The following RTTN variants were observed in gnomAD, a reference collection of about 807,000 sequenced individuals.
RTTN encodes rotatin.
In RTTN, 182 loss-of-function variants were observed where a neutral mutation model predicts 269.2. The ratio of observed to expected loss-of-function variants is 0.68; its 90% confidence interval spans 0.60 to 0.76. The LOEUF (loss-of-function observed/expected upper bound fraction) is 0.76. RTTN is among the 30% of genes least tolerant of loss of function. The pLI is 0.00. For missense variants in RTTN, 2,545 were observed against 2,608.6 expected (o/e 0.98, Z 0.53); for synonymous variants, 1,006 against 963.5 (o/e 1.04, Z -0.82).
Position 70,109,686 on chromosome 18 carries a change from T to A in RTTN, c.3715A>T (p.Thr1239Ser). The change falls in exon 28 of 49, where the codon ACG becomes TCG. Residue 1239 changes from threonine (T) to serine (S), a missense_variant. Physicochemically the swap from Thr to Ser is moderately conservative, Grantham distance 58. Transcript: ENST00000640769. ...TGGAGCAGTTTCAGAGCCAGCTGCG[T>A]TTGAAAAACGTAAAGAAGTTCCGAG... ...KCSELLYVFQ[T>S]QLALKLLQCL... 6.2e-7 allele frequency: 1 copy of A among 1,613,998 alleles called. No individual in the cohort carries two copies. The highest frequency in any genetic ancestry group is 8.5e-7 in the Non-Finnish European group (1 of 1,180,002).
In RTTN at chr18:70,048,022, G is replaced by A; in HGVS notation, c.5490C>T (p.Asp1830=). 6.2e-7 allele frequency: 1 copy of A among 1,614,112 alleles called. No homozygotes were observed. Among genetic ancestry groups the A allele is most frequent in the Non-Finnish European group, 8.5e-7 (1 of 1,179,966 alleles). ...CSPTVASLLD[D]SQENQKSLEQ... ...CTAGAGATTTCTGATTTTCCTGAGA[G>A]TCATCAAGAAGTGAAGCCACTGTTG... Residue 1830 remains aspartate (D), a synonymous_variant, in exon 40 of 49, where the codon GAC becomes GAT. Coordinates refer to ENST00000640769, the MANE Select transcript of RTTN (RefSeq NM_173630.4).
chr18:70,050,306 G>C (rs1338462459), intron 39 of RTTN, among the ~76,000 whole-genome samples: 1 of 151,934 alleles, frequency 6.6e-6, no homozygotes, highest in Non-Finnish European at 1.5e-5. Flanking sequence ...TTATGCGGCC[G>C]ACAAACATGA....
chr18:70,195,094 CA>C (rs1269014523), intron 7 of RTTN, among the ~76,000 whole-genome samples: 1 of 152,186 alleles, frequency 6.6e-6, no homozygotes, highest in African/African-American at 2.4e-5. Flanking sequence ...CTGCAAGCCC[CA>C]ATATACTCTG....
At chr18:70,154,963 A>C in intron 14 of RTTN, among the ~76,000 whole-genome samples, 1 of 152,066 alleles carries the variant, frequency 6.6e-6, no homozygotes, top group Non-Finnish European at 1.5e-5. Context: ...CACATTCAAC[A>C]TCTCACTTTC....
chr18:70,052,642 T>TTATATA (rs1327265663), intron 38 of RTTN, among the ~76,000 whole-genome samples: 2,718 of 145,896 alleles, frequency 0.019, 47 homozygotes, highest in Non-Finnish European at 0.028. Context: ...ATTTATTTAC[T>TTATATA]TATATATATA....
At chr18:70,103,528 T>C (rs2059234453) in intron 28 of RTTN, among the ~76,000 whole-genome samples, 1 of 152,086 alleles carries the variant, frequency 6.6e-6, no homozygotes, top group Non-Finnish European at 1.5e-5. Flanking sequence ...CGGTGCAAGA[T>C]GTGCTTTGTT....
At chr18:70,180,406 AC>A (rs1380413001) in intron 10 of RTTN, among the ~76,000 whole-genome samples, 2 of 152,140 alleles carry the variant, frequency 1.3e-5, no homozygotes, top group African/African-American at 4.8e-5. Flanking sequence ...ATCTGGCAAA[AC>A]CCAGTCTCTG....
intron 30 of RTTN, among the ~76,000 whole-genome samples, chr18:70,089,791 T>A (rs1204509217): frequency 6.6e-6 from 1 of 152,222 alleles, no homozygotes; most frequent in Non-Finnish European, 1.5e-5. Context: ...GCAATGAAAT[T>A]GGATATTTAG....
chr18:70,004,148 C>A lies in RTTN; in HGVS notation c.*3G>T, dbSNP rs1229432426. The A allele has an allele frequency of 6.2e-7, 1 of 1,608,602 alleles. No individual in the cohort carries two copies. The highest frequency in any genetic ancestry group is 8.5e-7 in the Non-Finnish European group (1 of 1,175,278). On this transcript the variant is annotated 3_prime_UTR_variant, in exon 49 of 49. Transcript: ENST00000640769. ...AGCTTCAAGGTGTAGCATCCCATGG[C>A]ACTCAGGAAGAATTAAGGAGCTGCA... is the stretch of plus-strand genomic sequence containing the variant.
chr18:70,092,704 T>G lies in RTTN; in HGVS notation c.4004A>C (p.His1335Pro). The stretch of plus-strand genomic sequence containing the variant: ...GCTCCCAGCCTGGGCCATCATCTCA[T>G]GGGATAAGTGAAGCAAGCAAAGAAT... ...STILCLLHLS[H>P]EMMAQAGSLE... The change falls in exon 29 of 49, where the codon CAT (histidine) becomes CCT (proline). Residue 1335 changes from histidine to proline, a missense_variant. By Grantham distance (77) the His-to-Pro change is moderately conservative (BLOSUM62 -2). Coordinates refer to ENST00000640769, the MANE Select transcript of RTTN (RefSeq NM_173630.4). 6.2e-7 allele frequency: 1 copy of G among 1,613,478 alleles called. No homozygotes were observed. The highest frequency in any genetic ancestry group is 8.5e-7 in the Non-Finnish European group (1 of 1,179,548).
intron 14 of RTTN, among the ~76,000 whole-genome samples, chr18:70,165,394 C>T (rs1001044931): frequency 4.0e-5 from 6 of 151,698 alleles, no homozygotes; most frequent in African/African-American, 9.7e-5. Context: ...CTAGGCTATG[C>T]TGGTGGGAGA....
intron 3 of RTTN, among the ~76,000 whole-genome samples, chr18:70,203,285 C>T (rs1379505114): frequency 6.6e-6 from 1 of 152,060 alleles, no homozygotes; most frequent in Non-Finnish European, 1.5e-5. Flanking sequence ...CCGTTGCAAC[C>T]TCCGCCCCCC....
At chr18:70,088,580 A>T (rs1252079960) in intron 30 of RTTN, among the ~76,000 whole-genome samples, 1 of 152,184 alleles carries the variant, frequency 6.6e-6, no homozygotes, top group Non-Finnish European at 1.5e-5. Context: ...GGCAATTATC[A>T]TTTTACAAGG....
At chr18:70,144,484 A>G (rs895413443) in intron 18 of RTTN, among the ~76,000 whole-genome samples, 1 of 152,214 alleles carries the variant, frequency 6.6e-6, no homozygotes, top group African/African-American at 2.4e-5. Context: ...TGAGGTGGCA[A>G]AACCAGCATC....
At chr18:70,200,514 A>G (rs1192120728) in intron 4 of RTTN, among the ~76,000 whole-genome samples, 1 of 152,228 alleles carries the variant, frequency 6.6e-6, no homozygotes, top group African/African-American at 2.4e-5. Flanking sequence ...TAAGCCTCTC[A>G]GCCATCTGGC....
chr18:70,184,707 TTTTTTTTTTTGTGTGTG>T (rs2061496654), intron 10 of RTTN, among the ~76,000 whole-genome samples: 1 of 60,728 alleles, frequency 1.6e-5, no homozygotes, highest in African/African-American at 6.0e-5. Flanking sequence ...CAGCAGGTTT[TTTTTTTTTTTGTGTGTG>T]TGTGTGTGTG....
At chr18:70,055,089 T>C (rs2057779030) in intron 37 of RTTN, among the ~76,000 whole-genome samples, 1 of 152,178 alleles carries the variant, frequency 6.6e-6, no homozygotes, top group Non-Finnish European at 1.5e-5. Context: ...TCATCTTCAA[T>C]ATTACCAACA....
intron 23 of RTTN, chr18:70,130,665 G>A (rs1203364067): frequency 6.6e-6 from 1 of 151,830 alleles, no homozygotes; most frequent in Non-Finnish European, 1.5e-5. Context: ...AATTAAGAAG[G>A]GATGGCTAAT....
intron 38 of RTTN, among the ~76,000 whole-genome samples, chr18:70,052,642 T>TATA (rs372511831): frequency 1.4e-5 from 2 of 145,848 alleles, no homozygotes; most frequent in Non-Finnish European, 3.0e-5. Context: ...ATTTATTTAC[T>TATA]TATATATATA....
Sources: gnomAD v4.1 joint callset for allele counts (sites outside exome capture counted in the v4.1 genomes callset) on GRCh38, gnomAD v4.1.1 for gene constraint, MANE v1.5 for transcripts, NCBI Gene and HGNC (gene_info 2026-07-23, HGNC 2026-07-21) for gene names.